The following HS6ST3 variants were observed in gnomAD, a reference collection of about 807,000 sequenced individuals.
HS6ST3 encodes the protein heparan sulfate 6-O-sulfotransferase 3.
HS6ST3 carries 12 observed loss-of-function variants against 36.7 expected under a neutral mutation model. The observed-to-expected ratio is 0.33, with a 90% CI of 0.21 to 0.53. The LOEUF is 0.53. HS6ST3 is among the 20% of genes least tolerant of loss of function. The pLI is 0.95. For synonymous variants in HS6ST3, 240 were observed against 257.5 expected (o/e 0.93, Z 0.65); for missense variants, 584 against 640.9 (o/e 0.91, Z 0.96).
At chr13:96,327,070 T>C (rs1406332583) in intron 1 of HS6ST3, among the ~76,000 whole-genome samples, 2 of 141,984 alleles carry the variant, frequency 1.4e-5, no homozygotes, top group African/African-American at 5.3e-5. Flanking sequence ...TTGTAGATTC[T>C]GGATATTAGC....
At chr13:96,779,856 A>G (rs1877482303) in intron 1 of HS6ST3, among the ~76,000 whole-genome samples, 1 of 152,130 alleles carries the variant, frequency 6.6e-6, no homozygotes, top group Non-Finnish European at 1.5e-5. Context: ...CAAAGATCAC[A>G]TTTCAAGTTG....
At chr13:96,700,291 T>C (rs1159254750) in intron 1 of HS6ST3, among the ~76,000 whole-genome samples, 1 of 152,136 alleles carries the variant, frequency 6.6e-6, no homozygotes, top group Non-Finnish European at 1.5e-5. Context: ...GGGAAACCCC[T>C]TATAAAACTA....
intron 1 of HS6ST3, among the ~76,000 whole-genome samples, chr13:96,430,030 A>G (rs74436798): frequency 0.02 from 3,074 of 152,316 alleles, 42 homozygotes; most frequent in Non-Finnish European, 0.033. Context: ...GCTGATCACT[A>G]TGCTTTCACA....
chr13:96,602,816 A>C (rs757238958), intron 1 of HS6ST3, among the ~76,000 whole-genome samples: 6 of 152,146 alleles, frequency 3.9e-5, no homozygotes, highest in Non-Finnish European at 5.9e-5. Context: ...ACCAGGCCCA[A>C]CGTTGGAGTC....
chr13:96,149,416 G>C (rs960799330), intron 1 of HS6ST3, among the ~76,000 whole-genome samples: 1 of 151,948 alleles, frequency 6.6e-6, no homozygotes, highest in African/African-American at 2.4e-5. Context: ...ACAATAGTGT[G>C]ACCTCCCATT....
At chr13:96,280,315 A>G (rs2054769386) in intron 1 of HS6ST3, among the ~76,000 whole-genome samples, 1 of 152,098 alleles carries the variant, frequency 6.6e-6, no homozygotes, top group African/African-American at 2.4e-5. Flanking sequence ...AAAATTGCCA[A>G]TGAAACCTTC....
Position 96,621,423 on chromosome 13 carries a change from G to T in HS6ST3, c.708-211067G>T, listed in dbSNP as rs376807559. ...TCCCTCCTGCCACCTTGTGAAGAAGGTGCCTGCTTCCCTTTTACCTTCTGC... is the reference window on the plus strand; with the variant it reads ...TCCCTCCTGCCACCTTGTGAAGAAGTTGCCTGCTTCCCTTTTACCTTCTGC... On this transcript the variant is annotated intron_variant, in intron 1 of 1. Transcript: ENST00000376705. Among the ~76,000 whole-genome samples, 5 of 152,196 alleles carry T rather than the reference G, an allele frequency of 3.3e-5. No individual in the cohort carries two copies. In the South Asian group the frequency reaches 1.0e-3, roughly 32 times the overall value.
At position 96,228,017 on chromosome 13, in the gene HS6ST3, G is replaced by A. The variant is rs115961017; in HGVS notation, c.707+136448G>A. On this transcript the variant is annotated intron_variant, in intron 1 of 1. Coordinates refer to ENST00000376705, the MANE Select transcript of HS6ST3 (RefSeq NM_153456.4). ...GTTGAGGGCATATTTTAACAATCTCGGAGAACTTAGTTCAGTTGATCTTTC... is the reference window on the plus strand; with the variant it reads ...GTTGAGGGCATATTTTAACAATCTCAGAGAACTTAGTTCAGTTGATCTTTC... 5.2e-3 allele frequency among the ~76,000 whole-genome samples: 784 copies of A among 152,160 alleles called. 5 individuals are homozygous for A. Among genetic ancestry groups the A allele is most frequent in the African/African-American group, 0.018 (732 of 41,494 alleles).
intron 1 of HS6ST3, among the ~76,000 whole-genome samples, chr13:96,626,137 C>T (rs576520013): frequency 1.3e-5 from 2 of 152,244 alleles, no homozygotes; most frequent in South Asian, 4.1e-4. Context: ...CCACATCGCC[C>T]GGCCTGTAAA....
intron 1 of HS6ST3, among the ~76,000 whole-genome samples, chr13:96,366,020 G>C (rs16953149): frequency 6.6e-6 from 1 of 152,074 alleles, no homozygotes. Flanking sequence ...CTTTACAGAG[G>C]TATTTAAAAT....
chr13:96,459,100 T>TAAA (rs747439262), intron 1 of HS6ST3, among the ~76,000 whole-genome samples: 9,779 of 63,254 alleles, frequency 0.15, 1,228 homozygotes, highest in African/African-American at 0.19. Flanking sequence ...CAAGACTGTC[T>TAAA]AAAAAAAAAA....
intron 1 of HS6ST3, among the ~76,000 whole-genome samples, chr13:96,228,125 C>G (rs1018252463): frequency 2.0e-5 from 3 of 152,122 alleles, no homozygotes; most frequent in African/African-American, 7.2e-5. Flanking sequence ...TTCTCTGTTG[C>G]AGCTACTAAA....
intron 1 of HS6ST3, among the ~76,000 whole-genome samples, chr13:96,121,412 A>G (rs2053924852): frequency 6.6e-6 from 1 of 152,220 alleles, no homozygotes; most frequent in Non-Finnish European, 1.5e-5. Context: ...CGCTATCTGC[A>G]GAAGAGGCAT....
At chr13:96,715,412 T>G (rs530090752) in intron 1 of HS6ST3, among the ~76,000 whole-genome samples, 1 of 152,274 alleles carries the variant, frequency 6.6e-6, no homozygotes, top group South Asian at 2.1e-4. Flanking sequence ...CTAAAAACTT[T>G]GTAAATAAGA....
chr13:96,596,507 A>G (rs2056401923), intron 1 of HS6ST3, among the ~76,000 whole-genome samples: 1 of 152,078 alleles, frequency 6.6e-6, no homozygotes, highest in South Asian at 2.1e-4. Flanking sequence ...CAAATGGTGT[A>G]TCTATTTTTA....
chr13:96,408,849 G>A (rs1452104126), intron 1 of HS6ST3, among the ~76,000 whole-genome samples: 1 of 152,062 alleles, frequency 6.6e-6, no homozygotes, highest in Non-Finnish European at 1.5e-5. Flanking sequence ...GCTTGAACCT[G>A]GGAAGTGGAG....
Position 96,273,703 on chromosome 13 carries a change from G to A in HS6ST3, c.707+182134G>A, listed in dbSNP as rs149807243. Among the ~76,000 whole-genome samples the A allele has an allele frequency of 9.9e-3, 1,506 of 152,174 alleles. 37 individuals are homozygous for A. Among genetic ancestry groups the A allele is most frequent in the African/African-American group, 0.035 (1,448 of 41,524 alleles). On this transcript the variant is annotated intron_variant, in intron 1 of 1. Coordinates refer to ENST00000376705, the MANE Select transcript of HS6ST3 (RefSeq NM_153456.4). ...CATTGAGTGTGCAAGTATCGGTTAG[G>A]TTTCAAATAACAGAAACTCAACTGA...
intron 1 of HS6ST3, among the ~76,000 whole-genome samples, chr13:96,685,565 G>A (rs377149016): frequency 7.9e-5 from 12 of 152,022 alleles, no homozygotes. Flanking sequence ...CACTGACACA[G>A]TTATCATATA....
In HS6ST3 at chr13:96,381,410, G is replaced by GTATCTATGTATCTATCTATC. The variant is rs141594405; in HGVS notation, c.707+289848_707+289849insGTATCTATCTATCTATCTAT. Among the ~76,000 whole-genome samples, 718 of 138,660 alleles carry GTATCTATGTATCTATCTATC rather than the reference G, an allele frequency of 5.2e-3. 6 individuals carry two copies. Among genetic ancestry groups the GTATCTATGTATCTATCTATC allele is most frequent in the African/African-American group, 0.011 (429 of 38,958 alleles). The allele number at this position is 138,660 out of a possible 152,430, so 91.0% of individuals were successfully genotyped here. On this transcript the variant is annotated intron_variant, in intron 1 of 1. Transcript: ENST00000376705. ...TGTATCTATGTATCTATGTATCTAT[G>GTATCTATGTATCTATCTATC]TATCTATCTATCTATCTATCTATCT...
Sources: gnomAD v4.1 joint callset for allele counts (sites outside exome capture counted in the v4.1 genomes callset) on GRCh38, gnomAD v4.1.1 for gene constraint, MANE v1.5 for transcripts, NCBI Gene and HGNC (gene_info 2026-07-23, HGNC 2026-07-21) for gene names.